Variants in DAGLA observed in about 807,000 individuals in gnomAD.
DAGLA encodes the protein diacylglycerol lipase alpha, also known as diacylglycerol lipase-alpha.
Under a neutral mutation model 102.6 loss-of-function variants are expected in DAGLA, and 22 were observed. The observed-to-expected ratio is 0.21, with a 90% CI of 0.15 to 0.31. The LOEUF is 0.31. Ranked by LOEUF, DAGLA falls within the 10% of genes least tolerant of loss-of-function variation. DAGLA has a pLI of 1.00. For synonymous variants in DAGLA, 578 were observed against 628.9 expected (o/e 0.92, Z 1.21); for missense variants, 927 against 1,446.6 (o/e 0.64, Z 5.83).
intron 1 of DAGLA, among the ~76,000 whole-genome samples, chr11:61,719,395 A>T (rs1229827054): frequency 6.6e-6 from 1 of 151,830 alleles, no homozygotes; most frequent in Admixed American, 6.5e-5. Flanking sequence ...CCTACTCCTG[A>T]CCCTGCACCT....
At chr11:61,729,604 C>T (rs980495735) in intron 8 of DAGLA, among the ~76,000 whole-genome samples, 10 of 152,166 alleles carry the variant, frequency 6.6e-5, no homozygotes, top group South Asian at 4.1e-4. Context: ...CCTGTCGCTG[C>T]GACCTCCAGC....
chr11:61,731,294 G>GC (rs763422182), intron 8 of DAGLA, 23 bp from the exon 9 acceptor site: 2 of 1,612,090 alleles, frequency 1.2e-6, no homozygotes, highest in Non-Finnish European at 8.5e-7. Flanking sequence ...GGAGGTGACC[G>GC]CCCTCTGCCT....
rs750558867 is a variant in DAGLA, at chr11:61,737,234, C to T, written c.1424C>T (p.Ala475Val). 3 of 1,613,424 alleles carry T rather than the reference C, an allele frequency of 1.9e-6. No homozygotes were observed. The highest frequency in any genetic ancestry group is 1.1e-5 in the South Asian group (1 of 91,088). The stretch of plus-strand genomic sequence containing the variant: ...ATTGTGGTGGGCCACTCCCTGGGCG[C>T]GGGCACTGCTGCCATCCTCTCCTTC... ...GLIVVGHSLG[A>V]GTAAILSFLL... Residue 475 changes from alanine (A) to valine (V), a missense_variant, in exon 14 of 20, where the codon GCG (alanine) becomes GTG (valine). Ala to Val is a moderately conservative substitution (Grantham distance 64, BLOSUM62 0). This residue lies in a region of DAGLA where 218 missense variants were observed against 459.6 expected (regional missense o/e 0.47). Coordinates refer to ENST00000257215, the MANE Select transcript of DAGLA (RefSeq NM_006133.3).
chr11:61,698,440 C>T (rs922370489), intron 1 of DAGLA, among the ~76,000 whole-genome samples: 2 of 152,340 alleles, frequency 1.3e-5, no homozygotes, highest in Admixed American at 1.3e-4. Context: ...CCTTTGCTCA[C>T]CCCCCTGCTA....
intron 1 of DAGLA, among the ~76,000 whole-genome samples, chr11:61,700,774 G>C (rs1369554561): frequency 6.6e-6 from 1 of 152,176 alleles, no homozygotes; most frequent in Non-Finnish European, 1.5e-5. Flanking sequence ...AGCTGGCCCA[G>C]CATACCCACC....
intron 1 of DAGLA, among the ~76,000 whole-genome samples, chr11:61,685,880 C>T (rs1019515353): frequency 4.0e-5 from 6 of 151,880 alleles, no homozygotes; most frequent in African/African-American, 1.2e-4. Flanking sequence ...TGCTGTAGGG[C>T]GCATACAACA....
rs2135598172 is a variant in DAGLA at position 61,734,754 on chromosome 11, A to T, written c.975-95A>T. 3 of 1,280,184 alleles carry T rather than the reference A, an allele frequency of 2.3e-6. No homozygotes were observed. The highest frequency in any genetic ancestry group is 3.3e-6 in the Non-Finnish European group (3 of 908,488). The allele number at this position is 1,280,184 out of a possible 1,614,324, so 79.3% of individuals were successfully genotyped here. ...AATTTGGTAGAGGCAGTGGGGCTGA[A>T]TGCCCAACTGGAACTGGTTCCAGGG... On this transcript the variant is annotated intron_variant, in intron 9 of 19. Transcript: ENST00000257215. The surrounding 1 kb of genome is among the most constrained non-coding windows in gnomAD (Gnocchi z 4.2).
In DAGLA at chr11:61,723,415, C is replaced by G; in HGVS notation, c.410-19C>G. 3.7e-6 allele frequency: 6 copies of G among 1,607,904 alleles called. No individual in the cohort carries two copies. Among genetic ancestry groups the G allele is most frequent in the South Asian group, 1.1e-5 (1 of 90,982 alleles). On this transcript the variant is annotated intron_variant, in intron 4 of 19. Transcript: ENST00000257215. ...TGTCCCCAGCGCCCCTACCTAATGC[C>G]TCCCACTGCTGCCCGCAGGAATGGT...
At position 61,740,463 on chromosome 11, in the gene DAGLA, C is replaced by T. The variant is rs1031782573; in HGVS notation, c.1854C>T (p.Cys618=). 2.5e-6 allele frequency: 4 copies of T among 1,613,326 alleles called. No homozygotes were observed. Among genetic ancestry groups the T allele is most frequent in the African/African-American group, 2.7e-5 (2 of 74,952 alleles). The change falls in exon 18 of 20, where the codon TGC becomes TGT. Residue 618 remains cysteine (C), a splice_region_variant and synonymous_variant. Coordinates refer to ENST00000257215, the MANE Select transcript of DAGLA (RefSeq NM_006133.3). Reference sequence around the variant, plus strand: ...TCCCCTCTGTCCATGTCCCTCTCAGCTGCTGTGAGCAGGAGGAGCCCACAT... The same window carrying T: ...TCCCCTCTGTCCATGTCCCTCTCAGTTGCTGTGAGCAGGAGGAGCCCACAT... ...VVHNHPAEQC[C]CCEQEEPTYF...
In DAGLA at chr11:61,715,188, C is replaced by T. The variant is rs144009018; in HGVS notation, c.-44-4924C>T. 1.2e-4 allele frequency among the ~76,000 whole-genome samples: 18 copies of T among 152,270 alleles called. No individual in the cohort carries two copies. In the South Asian group the frequency reaches 1.9e-3, roughly 16 times the overall value. ...ACACTGTGGAATGAGAGCGACACTGCGACCCTGTGTTACTGCTGTGAGGAC... is the reference window on the plus strand; with the variant it reads ...ACACTGTGGAATGAGAGCGACACTGTGACCCTGTGTTACTGCTGTGAGGAC... On this transcript the variant is annotated intron_variant, in intron 1 of 19. Coordinates refer to ENST00000257215, the MANE Select transcript of DAGLA (RefSeq NM_006133.3).
At chr11:61,687,310 T>TTCTCCATGCTCCACTGACTCTAGCACTC (rs2064993249) in intron 1 of DAGLA, among the ~76,000 whole-genome samples, 1 of 151,902 alleles carries the variant, frequency 6.6e-6, no homozygotes, top group Non-Finnish European at 1.5e-5. Flanking sequence ...CATGAGGCCA[T>TTCTCCATGCTCCACTGACTCTAGCACTC]TCTCCATGCT....
intron 17 of DAGLA, 78 bp from the exon 18 acceptor site, chr11:61,740,385 A>G (rs1591054771): frequency 6.4e-7 from 1 of 1,551,302 alleles, no homozygotes; most frequent in East Asian, 2.3e-5. Flanking sequence ...AGGGCAGAGA[A>G]CAGAGCCAGG....
At chr11:61,729,463 C>T (rs769778478) in intron 8 of DAGLA, among the ~76,000 whole-genome samples, 9 of 152,068 alleles carry the variant, frequency 5.9e-5, no homozygotes, top group Non-Finnish European at 1.3e-4. Context: ...CAGCCCAGGG[C>T]CCAGCACACA....
chr11:61,709,880 A>G (rs1488177271), intron 1 of DAGLA, among the ~76,000 whole-genome samples: 4 of 152,126 alleles, frequency 2.6e-5, no homozygotes, highest in Admixed American at 2.6e-4. Flanking sequence ...CCTGTGCCCT[A>G]GATGGCCATG....
intron 12 of DAGLA, 130 bp from the exon 13 acceptor site, chr11:61,736,140 A>G: frequency 2.7e-6 from 2 of 732,420 alleles, no homozygotes; most frequent in South Asian, 1.7e-5. Context: ...GCCAGCCCCC[A>G]CAGCTGGGTT....
At chr11:61,737,876 C>T (rs1321488062) in intron 15 of DAGLA, 121 bp downstream of exon 15, 24 of 904,842 alleles carry the variant, frequency 2.7e-5, no homozygotes, top group South Asian at 4.4e-5. Flanking sequence ...AGGGACCCCA[C>T]GCCCCTCCCC....
At chr11:61,731,515 C>T (rs2065375061) in intron 9 of DAGLA, 74 bp downstream of exon 9, 2 of 1,579,526 alleles carry the variant, frequency 1.3e-6, no homozygotes, top group Admixed American at 3.4e-5. Flanking sequence ...GGCTACCGGG[C>T]TGCGCCTACT....
intron 1 of DAGLA, among the ~76,000 whole-genome samples, chr11:61,708,164 T>C (rs2065165296): frequency 6.6e-6 from 1 of 152,118 alleles, no homozygotes; most frequent in Non-Finnish European, 1.5e-5. Context: ...CCCCCCACCA[T>C]GCCTGGCTAA....
At chr11:61,733,458 A>G (rs1254768725) in intron 9 of DAGLA, among the ~76,000 whole-genome samples, 3 of 152,262 alleles carry the variant, frequency 2.0e-5, no homozygotes, top group African/African-American at 7.2e-5. Context: ...ATAGTCACTC[A>G]GGTGATGCTC....
Sources: gnomAD v4.1 joint callset for allele counts (sites outside exome capture counted in the v4.1 genomes callset) on GRCh38, gnomAD v4.1.1 for gene constraint, gnomAD v4.1.1 regional missense constraint, Gnocchi (gnomAD v3.1) non-coding constraint, MANE v1.5 for transcripts, NCBI Gene and HGNC (gene_info 2026-07-23, HGNC 2026-07-21) for gene names.